The following SEL1L3 variants were observed in gnomAD, a reference collection of about 807,000 sequenced individuals.
SEL1L3 encodes the protein protein sel-1 homolog 3.
In SEL1L3, 76 loss-of-function variants were observed where a neutral mutation model predicts 142.8. The ratio of observed to expected loss-of-function variants is 0.53; its 90% CI spans 0.44 to 0.64. SEL1L3 has a LOEUF of 0.64. Among genes scored for constraint, SEL1L3 ranks in the 30% least tolerant of loss-of-function variants. SEL1L3 has a pLI of 0.00. For synonymous variants in SEL1L3, 504 were observed against 519.6 expected, an observed-to-expected ratio of 0.97 and a Z score of 0.41; for missense variants, 1,262 against 1,381.7, an observed-to-expected ratio of 0.91 and a Z score of 1.37.
the SEL1L3 span, among the ~76,000 whole-genome samples, chr4:25,715,402 G>T: frequency 1.3e-4 from 20 of 152,068 alleles, no homozygotes; most frequent in South Asian, 4.2e-4. Flanking sequence ...CACCTATCGG[G>T]TTGGTAAAAA....
the SEL1L3 span, among the ~76,000 whole-genome samples, chr4:25,728,985 G>A: frequency 6.6e-6 from 1 of 152,018 alleles, no homozygotes; most frequent in Admixed American, 6.5e-5. Context: ...ATGACAAGAT[G>A]GAAGGTCAGT....
intron 5 of SEL1L3, among the ~76,000 whole-genome samples, chr4:25,831,503 T>TA (rs1715434462): frequency 1.1e-5 from 1 of 92,640 alleles, no homozygotes; most frequent in African/African-American, 5.0e-5. Context: ...ATAATAATAA[T>TA]AATAATAATT....
intron 2 of SEL1L3, among the ~76,000 whole-genome samples, chr4:25,844,667 A>G (rs947350775): frequency 1.3e-5 from 2 of 152,234 alleles, no homozygotes; most frequent in African/African-American, 4.8e-5. Context: ...TCAATCAGAA[A>G]TACATGATTT....
intron 6 of SEL1L3, among the ~76,000 whole-genome samples, chr4:25,825,011 G>A (rs1318278754): frequency 4.6e-5 from 7 of 152,028 alleles, no homozygotes; most frequent in Non-Finnish European, 1.0e-4. Context: ...CACAGCAAAC[G>A]CTAATCTGCA....
the SEL1L3 span, among the ~76,000 whole-genome samples, chr4:25,731,025 T>C: frequency 6.6e-6 from 1 of 152,174 alleles, no homozygotes; most frequent in Non-Finnish European, 1.5e-5. Flanking sequence ...AGCGAGACTC[T>C]GTCTCAAAAA....
intron 1 of SEL1L3, among the ~76,000 whole-genome samples, chr4:25,851,210 A>G (rs77897127): frequency 0.11 from 16,022 of 152,268 alleles, 1,006 homozygotes; most frequent in South Asian, 0.15. Context: ...TCACACACTG[A>G]AAGTGTAAAT....
intron 1 of SEL1L3, among the ~76,000 whole-genome samples, chr4:25,857,032 A>G (rs1717307290): frequency 2.0e-5 from 3 of 152,206 alleles, no homozygotes; most frequent in Admixed American, 2.0e-4. Context: ...TTTCTGCCCC[A>G]TTCTTCTAAG....
chr4:25,755,701 A>C (rs1361653399), intron 23 of SEL1L3, among the ~76,000 whole-genome samples: 1 of 152,162 alleles, frequency 6.6e-6, no homozygotes, highest in Non-Finnish European at 1.5e-5. Flanking sequence ...AGGCATGGAG[A>C]CAGAAAAAAG....
intron 2 of SEL1L3, among the ~76,000 whole-genome samples, chr4:25,845,824 T>A (rs930378625): frequency 2.0e-5 from 3 of 152,288 alleles, no homozygotes; most frequent in East Asian, 3.9e-4. Flanking sequence ...ATGGATGTCC[T>A]CTGCCTGCCA....
chr4:25,828,162 C>CT (rs1159126606), intron 6 of SEL1L3, among the ~76,000 whole-genome samples: 1 of 152,210 alleles, frequency 6.6e-6, no homozygotes, highest in Non-Finnish European at 1.5e-5. Context: ...CCCGCACCCT[C>CT]TCTTTGCAGG....
At chr4:25,784,047 T>G (rs1230741298) in intron 14 of SEL1L3, among the ~76,000 whole-genome samples, 181 bp downstream of exon 14, 1 of 152,236 alleles carries the variant, frequency 6.6e-6, no homozygotes, top group African/African-American at 2.4e-5. Context: ...CTGTATGTAT[T>G]GTAACTAAAA....
chr4:25,782,128 T>C, intron 15 of SEL1L3, 114 bp downstream of exon 15: 2 of 924,070 alleles, frequency 2.2e-6, no homozygotes, highest in South Asian at 3.4e-5. Context: ...TCTGAGCTCC[T>C]CGAGGACAGG....
At chr4:25,849,581 G>A (rs1255138445) in intron 1 of SEL1L3, among the ~76,000 whole-genome samples, 1 of 152,164 alleles carries the variant, frequency 6.6e-6, no homozygotes, top group Non-Finnish European at 1.5e-5. Flanking sequence ...AGTTTGGGAC[G>A]ATGAAATAGT....
intron 13 of SEL1L3, among the ~76,000 whole-genome samples, chr4:25,785,042 A>G (rs1356852527): frequency 6.6e-6 from 1 of 152,172 alleles, no homozygotes; most frequent in Non-Finnish European, 1.5e-5. Flanking sequence ...GATGCCAGGC[A>G]AGGGGGTGGA....
chr4:25,790,981 A>G (rs1296987678), intron 11 of SEL1L3, among the ~76,000 whole-genome samples: 1 of 152,256 alleles, frequency 6.6e-6, no homozygotes, highest in Non-Finnish European at 1.5e-5. Flanking sequence ...AATGTATCAC[A>G]TCTTCTATAT....
intron 9 of SEL1L3, among the ~76,000 whole-genome samples, chr4:25,816,021 T>G (rs1481068975): frequency 6.7e-6 from 1 of 149,946 alleles, no homozygotes; most frequent in Non-Finnish European, 1.5e-5. Context: ...GCTTACCATG[T>G]GCTGATACTG....
intron 2 of SEL1L3, among the ~76,000 whole-genome samples, chr4:25,837,494 G>A (rs184065615): frequency 8.4e-4 from 128 of 151,610 alleles, no homozygotes; most frequent in African/African-American, 2.9e-3. Context: ...CAGGTCAAAC[G>A]GGAGAACTTG....
intron 12 of SEL1L3, 84 bp downstream of exon 12, chr4:25,790,371 G>A (rs896951818): frequency 1.5e-6 from 2 of 1,313,828 alleles, no homozygotes; most frequent in Non-Finnish European, 2.2e-6. Flanking sequence ...TTAAGCCACT[G>A]CAGTTTGAGA....
chr4:25,862,264 A>T (rs1717765187), intron 1 of SEL1L3: 1 of 142,316 alleles, frequency 7.0e-6, no homozygotes. Context: ...CACGGGAAGG[A>T]AAGGAGCTGC....
Sources: allele counts gnomAD v4.1 joint callset (sites outside exome capture counted in the v4.1 genomes callset), GRCh38; gene constraint gnomAD v4.1.1; transcripts MANE v1.5; gene names NCBI Gene and HGNC (gene_info 2026-07-23, HGNC 2026-07-21).